SCN10A: variants seen among roughly 807,000 people sequenced by gnomAD.
SCN10A encodes the protein sodium channel protein type 10 subunit alpha.
SCN10A carries 162 observed loss-of-function variants against 170.7 expected under a neutral mutation model. That is an observed-to-expected ratio of 0.95 (90% CI 0.84 to 1.08). The LOEUF (loss-of-function observed/expected upper bound fraction) is 1.08, where lower values mean the gene tolerates loss of function less well. Ranked by LOEUF, SCN10A falls within the 50% of genes least tolerant of loss-of-function variation. The pLI is 0.00. For missense variants in SCN10A, 2,527 were observed against 2,436.9 expected (o/e 1.04, Z -0.78); for synonymous variants, 985 against 904.6 (o/e 1.09, Z -1.59).
intron 1 of SCN10A, 89 bp from the exon 2 acceptor site, chr3:38,794,131 G>A: frequency 1.1e-6 from 1 of 911,310 alleles, no homozygotes; most frequent in Non-Finnish European, 1.7e-6. Flanking sequence ...TGTCAGAACA[G>A]CCCTTCTCCC....
In SCN10A at chr3:38,705,213, T is replaced by C. The variant is rs117127921; in HGVS notation, c.4386+2066A>G. On this transcript the variant is annotated intron_variant, in intron 26 of 27. Coordinates refer to ENST00000449082, the MANE Select transcript of SCN10A (RefSeq NM_006514.4). ...AAATGTTCTAGCCTTGCCTCAGCTA[T>C]GCGAAATTAGGGAACAAAGGAAAGA... Among the ~76,000 whole-genome samples, 1,465 of 152,338 alleles carry C rather than the reference T, an allele frequency of 9.6e-3. 58 individuals are homozygous for C. In the South Asian group the frequency reaches 0.12, roughly 13 times the overall value.
intron 15 of SCN10A, among the ~76,000 whole-genome samples, chr3:38,732,608 T>C (rs1229428621): frequency 6.6e-6 from 1 of 152,196 alleles, no homozygotes; most frequent in Non-Finnish European, 1.5e-5. Flanking sequence ...GGCTTAATGA[T>C]CATGTGGTGG....
At chr3:38,712,847 A>T (rs1190535736) in intron 22 of SCN10A, among the ~76,000 whole-genome samples, 1 of 152,266 alleles carries the variant, frequency 6.6e-6, no homozygotes, top group Admixed American at 6.5e-5. Context: ...GTCAAGAACC[A>T]GTGAAAACCT....
At chr3:38,715,008 T>C (rs146030335) in intron 21 of SCN10A, among the ~76,000 whole-genome samples, 7 of 152,286 alleles carry the variant, frequency 4.6e-5, no homozygotes, top group African/African-American at 1.7e-4. Flanking sequence ...GCTTTATACT[T>C]GAGTGGCAGA....
rs2126002831 is a variant in SCN10A at position 38,728,544 on chromosome 3, C to T, written c.2638G>A (p.Val880Met). The change falls in exon 16 of 28, where the codon GTG (valine) becomes ATG (methionine). Residue 880 changes from valine (V) to methionine (M), a missense_variant and splice_region_variant. Transcript: ENST00000449082. ...CCCCAGCAGGGTTCACCACTCACCACCAGGTTCCCTAGCACCATCACCGTC... is the reference window on the plus strand; with the variant it reads ...CCCCAGCAGGGTTCACCACTCACCATCAGGTTCCCTAGCACCATCACCGTC... ...FLTVMVLGNL[V>M]VLNLFIALLL... 6.3e-7 allele frequency: 1 copy of T among 1,577,838 alleles called. No homozygotes were observed. The highest frequency in any genetic ancestry group is 1.7e-5 in the Admixed American group (1 of 58,134).
chr3:38,752,331 G>C lies in SCN10A; in HGVS notation c.1643C>G (p.Pro548Arg). The change falls in exon 12 of 28, where the codon CCC becomes CGC. Residue 548 changes from proline (P) to arginine (R), a missense_variant. Physicochemically the swap from Pro to Arg is moderately radical, Grantham distance 103. Transcript: ENST00000449082. Reference sequence around the variant, plus strand: ...TTGAGGAAGAGGGCTTCTAGGGAGGGGGCCTTGCTGGCCAGCACCCCCACC... The same window carrying C: ...TTGAGGAAGAGGGCTTCTAGGGAGGCGGCCTTGCTGGCCAGCACCCCCACC... ...LLGGGAGQQG[P>R]LPRSPLPQPS... is the part of the protein sequence containing the mutation. The C allele has an allele frequency of 1.2e-6, 2 of 1,613,180 alleles. No homozygotes were observed. Among genetic ancestry groups the C allele is most frequent in the East Asian group, 2.2e-5 (1 of 44,802 alleles).
chr3:38,797,970 C>A (rs986432411), intron 1 of SCN10A, among the ~76,000 whole-genome samples: 2 of 152,142 alleles, frequency 1.3e-5, no homozygotes, highest in Non-Finnish European at 2.9e-5. Context: ...GTATGAGGGA[C>A]CAGTCCTTCT....
chr3:38,757,005 T>C lies in SCN10A; in HGVS notation c.1092+13A>G. Reference sequence around the variant, plus strand: ...CTCCAACCAAGTCTGCGTGGGGGAATGCAGCTCAGTACCTGCTGGTAGAGG... The same window carrying C: ...CTCCAACCAAGTCTGCGTGGGGGAACGCAGCTCAGTACCTGCTGGTAGAGG... On this transcript the variant is annotated intron_variant, in intron 9 of 27. Transcript: ENST00000449082. 1 of 1,606,074 alleles carries C rather than the reference T, an allele frequency of 6.2e-7. No individual in the cohort carries two copies. The highest frequency in any genetic ancestry group is 8.5e-7 in the Non-Finnish European group (1 of 1,176,314).
At chr3:38,740,802 A>G (rs7426951) in intron 14 of SCN10A, among the ~76,000 whole-genome samples, 12,705 of 152,072 alleles carry the variant, frequency 0.084, 733 homozygotes, top group East Asian at 0.19. Flanking sequence ...AAAAAGTGGC[A>G]CTTTCCTCTG....
intron 5 of SCN10A, among the ~76,000 whole-genome samples, chr3:38,766,329 G>T (rs926250512): frequency 6.6e-6 from 1 of 152,140 alleles, no homozygotes; most frequent in Admixed American, 6.5e-5. Context: ...CAGGGGGAAT[G>T]CTTTCAACTT....
chr3:38,797,609 G>A lies in SCN10A; in HGVS notation c.-32-3567C>T, dbSNP rs180782819. On this transcript the variant is annotated intron_variant, in intron 1 of 27. Coordinates refer to ENST00000449082, the MANE Select transcript of SCN10A (RefSeq NM_006514.4). ...CCATTCAAACACTGTTGACTTCAGT[G>A]TCTTTAATTCTTCCCTTCTGAGAAA... 1.7e-3 allele frequency among the ~76,000 whole-genome samples: 254 copies of A among 152,320 alleles called. 2 individuals are homozygous for A. Among genetic ancestry groups the A allele is most frequent in the African/African-American group, 6.0e-3 (250 of 41,570 alleles).
At position 38,793,866 on chromosome 3, in the gene SCN10A, C is replaced by G. The variant is rs866362615; in HGVS notation, c.145G>C (p.Glu49Gln). ...AAGTCCAGCTGGGGCCGAGGCTTCT[C>G]TTCTTGGTCCTTCTGCTCCCTATGC... is the stretch of plus-strand genomic sequence containing the variant. ...EKHREQKDQE[E>Q]KPRPQLDLKA... Residue 49 changes from glutamate to glutamine, a missense_variant, in exon 2 of 28, where the codon GAG (glutamate) becomes CAG (glutamine). Coordinates refer to ENST00000449082, the MANE Select transcript of SCN10A (RefSeq NM_006514.4). 3.7e-6 allele frequency: 6 copies of G among 1,614,098 alleles called. No homozygotes were observed. The African/African-American group carries it at 6.7e-5, about 18-fold the overall frequency.
rs370880796 is a variant in SCN10A at position 38,726,839 on chromosome 3, G to A, written c.2854C>T (p.Pro952Ser). 19 of 1,613,822 alleles carry A rather than the reference G, an allele frequency of 1.2e-5. No homozygotes were observed. Among genetic ancestry groups the A allele is most frequent in the Non-Finnish European group, 1.4e-5 (17 of 1,179,822 alleles). Residue 952 changes from proline to serine, a missense_variant, in exon 17 of 28, where the codon CCA becomes TCA. Coordinates refer to ENST00000449082, the MANE Select transcript of SCN10A (RefSeq NM_006514.4). Reference protein sequence around the residue: ...KAEPELVVKLPLSSSKAENHI... With the variant: ...KAEPELVVKLSLSSSKAENHI... ...TTCTCAGCCTTGGAGCTGGAGAGTG[G>A]GAGTTTCACCACCAGCTCAGGCTCT...
At chr3:38,815,762 G>A (rs537672617) in intron 1 of SCN10A, among the ~76,000 whole-genome samples, 4 of 152,184 alleles carry the variant, frequency 2.6e-5, no homozygotes, top group Non-Finnish European at 4.4e-5. Flanking sequence ...TAAACTTGAC[G>A]TTGATGTAGC....
intron 6 of SCN10A, among the ~76,000 whole-genome samples, chr3:38,762,731 G>A (rs944466705): frequency 6.6e-6 from 1 of 152,178 alleles, no homozygotes; most frequent in Non-Finnish European, 1.5e-5. Flanking sequence ...AATTGGCAGA[G>A]AGTTTCCTAT....
intron 27 of SCN10A, among the ~76,000 whole-genome samples, chr3:38,701,049 T>C (rs1030842358): frequency 1.3e-5 from 2 of 152,180 alleles, no homozygotes; most frequent in Admixed American, 1.3e-4. Context: ...GATCTCTGAG[T>C]CTCAATTTTA....
intron 27 of SCN10A, among the ~76,000 whole-genome samples, chr3:38,699,917 C>T (rs2063139298): frequency 6.6e-6 from 1 of 152,278 alleles, no homozygotes; most frequent in Non-Finnish European, 1.5e-5. Context: ...TATTTTCCAG[C>T]TCTATAAGGG....
chr3:38,802,930 A>G (rs978700317), intron 1 of SCN10A, among the ~76,000 whole-genome samples: 1 of 152,252 alleles, frequency 6.6e-6, no homozygotes, highest in Non-Finnish European at 1.5e-5. Context: ...CAGAATCTAC[A>G]AAGAACTCCA....
intron 16 of SCN10A, 113 bp from the exon 17 acceptor site, chr3:38,727,165 C>A (rs1183760434): frequency 1.2e-5 from 11 of 935,282 alleles, no homozygotes; most frequent in Non-Finnish European, 1.8e-5. Context: ...CCTCTTCCTG[C>A]CCACCCGGGA....
Sources: allele counts gnomAD v4.1 joint callset (sites outside exome capture counted in the v4.1 genomes callset), GRCh38; gene constraint gnomAD v4.1.1; transcripts MANE v1.5; gene names NCBI Gene and HGNC (gene_info 2026-07-23, HGNC 2026-07-21).